The following ECE2 variants were observed in gnomAD, a reference collection of about 807,000 sequenced individuals.
The protein encoded by ECE2 is endothelin converting enzyme 2, also known as endothelin-converting enzyme 2.
Under a neutral mutation model 100.6 loss-of-function variants are expected in ECE2, and 81 were observed. The ratio of observed to expected loss-of-function variants is 0.81; its 90% CI spans 0.67 to 0.97. ECE2 has a LOEUF of 0.97. Among genes scored for constraint, ECE2 ranks in the 50% least tolerant of loss-of-function variants. The pLI, the probability that ECE2 is intolerant of heterozygous loss-of-function variation, is 0.00. For missense variants in ECE2, 911 were observed against 988.1 expected, an observed-to-expected ratio of 0.92 and a Z score of 1.05; for synonymous variants, 391 against 391.5, an observed-to-expected ratio of 1.00 and a Z score of 0.02.
intron 1 of ECE2, 81 bp downstream of exon 1, chr3:184,276,273 C>T (rs1720543327): frequency 1.4e-6 from 2 of 1,421,310 alleles, no homozygotes; most frequent in Non-Finnish European, 9.3e-7. Flanking sequence ...GAGGGGCAGG[C>T]GGTGCCCGGC....
chr3:184,285,409 G>C, intron 9 of ECE2, 69 bp from the exon 10 acceptor site: 1 of 1,240,750 alleles, frequency 8.1e-7, no homozygotes, highest in Non-Finnish European at 1.2e-6. Flanking sequence ...GCATGTTCCT[G>C]GGGGCTGGTT....
Position 184,289,728 on chromosome 3 carries a change from T to C in ECE2, c.1551+10T>C, listed in dbSNP as rs373445146. ...TGATGTTTATGACGGGGTGAGTACC[T>C]ACGCTCATCAGTACTGAACTTCAGC... On this transcript the variant is annotated intron_variant, in intron 13 of 18. Transcript: ENST00000404464. The surrounding 1 kb of genome is among the most constrained non-coding windows in gnomAD (Gnocchi z 4.1). 9 of 1,606,810 alleles carry C rather than the reference T, an allele frequency of 5.6e-6. No individual in the cohort carries two copies. The African/African-American group carries it at 6.7e-5, about 12-fold the overall frequency.
intron 9 of ECE2, 129 bp downstream of exon 9, chr3:184,285,234 ATG>A: frequency 7.5e-7 from 1 of 1,328,760 alleles, no homozygotes; most frequent in Non-Finnish European, 1.0e-6. Context: ...TTGAATCAGA[ATG>A]TCTATGGGCT....
chr3:184,291,167 C>T lies in ECE2; in HGVS notation c.1962C>T (p.Leu654=), dbSNP rs1192208990. 6.2e-7 allele frequency: 1 copy of T among 1,613,890 alleles called. No homozygotes were observed. The highest frequency in any genetic ancestry group is 2.2e-5 in the East Asian group (1 of 44,874). The part of the protein sequence containing the change: ...YNQYQVNGER[L]NGRQTLGENI... ...AATACCAGGTCAATGGGGAGAGGCT[C>T]AACGGCCGCCAGACGCTGGGGGAGA... The change falls in exon 17 of 19, where the codon CTC becomes CTT. Residue 654 remains leucine, a synonymous_variant. Transcript: ENST00000404464. This position sits in a 1 kb window ranked among gnomAD's most constrained non-coding sequence, Gnocchi z 4.1.
Position 184,291,473 on chromosome 3 carries a change from C to T in ECE2, c.2121+34C>T, listed in dbSNP as rs61468368. 1.8e-3 allele frequency: 2,709 copies of T among 1,526,746 alleles called. 43 individuals carry two copies. The African/African-American group carries it at 0.032, about 18-fold the overall frequency. The allele number at this position is 1,526,746 out of a possible 1,614,324, so 94.6% of individuals were successfully genotyped here. Reference sequence around the variant, plus strand: ...CTCTCGGAAGGCCTGGGGTCTGCCCCTTTGTCCTGCTCCCTCCTGAGTATG... The same window carrying T: ...CTCTCGGAAGGCCTGGGGTCTGCCCTTTTGTCCTGCTCCCTCCTGAGTATG... On this transcript the variant is annotated intron_variant, in intron 18 of 18. Coordinates refer to ENST00000404464, the MANE Select transcript of ECE2 (RefSeq NM_001100121.2). The surrounding 1 kb of genome is among the most constrained non-coding windows in gnomAD (Gnocchi z 4.1).
chr3:184,290,673 T>A lies in ECE2; in HGVS notation c.1766+6T>A, dbSNP rs759341647. On this transcript the variant is annotated splice_donor_region_variant and intron_variant, in intron 15 of 18. Coordinates refer to ENST00000404464, the MANE Select transcript of ECE2 (RefSeq NM_001100121.2). ...TATGCCCGCAACCACCCCAAGTGTG[T>A]CTGAAGCAGGAGGGGCTGGGTGCTG... 1 of 1,613,742 alleles carries A rather than the reference T, an allele frequency of 6.2e-7. No individual in the cohort carries two copies. The highest frequency in any genetic ancestry group is 8.5e-7 in the Non-Finnish European group (1 of 1,179,870).
rs752496038 is a variant in ECE2, at chr3:184,278,253, C to T, written c.690C>T (p.Thr230=). The change falls in exon 6 of 19, where the codon ACC becomes ACT. Residue 230 remains threonine (T), a synonymous_variant. Transcript: ENST00000404464. ...CAGTAGCAGGGACCTACAGGGCCACCCCATTCTTCACCGTCTACATCAGTG... is the reference window on the plus strand; with the variant it reads ...CAGTAGCAGGGACCTACAGGGCCACTCCATTCTTCACCGTCTACATCAGTG... ...LKAVAGTYRA[T]PFFTVYISAD... 2 of 1,614,064 alleles carry T rather than the reference C, an allele frequency of 1.2e-6. No homozygotes were observed. The highest frequency in any genetic ancestry group is 2.7e-5 in the African/African-American group (2 of 74,908).
At position 184,283,892 on chromosome 3, in the gene ECE2, G is replaced by C. The variant is rs1483676218; in HGVS notation, c.924G>C (p.Gln308His). The change falls in exon 8 of 19, where the codon CAG (glutamine) becomes CAC (histidine). Residue 308 changes from glutamine (Q) to histidine (H), a missense_variant. Coordinates refer to ENST00000404464, the MANE Select transcript of ECE2 (RefSeq NM_001100121.2). Reference sequence around the variant, plus strand: ...AGCAGGTGCTGGAGTTGGAGATACAGCTGGCCAACATCACAGTGCCCCAGG... The same window carrying C: ...AGCAGGTGCTGGAGTTGGAGATACACCTGGCCAACATCACAGTGCCCCAGG... ...QMQQVLELEI[Q>H]LANITVPQDQ... 1 of 1,614,012 alleles carries C rather than the reference G, an allele frequency of 6.2e-7. No individual in the cohort carries two copies.
At chr3:184,277,113 C>G in intron 3 of ECE2, 86 bp downstream of exon 3, 2 of 1,599,940 alleles carry the variant, frequency 1.3e-6, no homozygotes, top group Middle Eastern at 1.7e-4. Flanking sequence ...TTGTGGGAAC[C>G]AAGCCTTCCC....
At position 184,290,835 on chromosome 3, in the gene ECE2, G is replaced by A; in HGVS notation, c.1809G>A (p.Glu603=). Residue 603 remains glutamate (E), a synonymous_variant, in exon 16 of 19, where the codon GAG becomes GAA. Coordinates refer to ENST00000404464, the MANE Select transcript of ECE2 (RefSeq NM_001100121.2). The stretch of plus-strand genomic sequence containing the variant: ...GCATCGGTGTGGTCATGGGCCATGA[G>A]TTGACGCATGCCTTTGATGACCAAG... ...FGGIGVVMGH[E]LTHAFDDQGR... 6.2e-7 allele frequency: 1 copy of A among 1,614,208 alleles called. No homozygotes were observed. Among genetic ancestry groups the A allele is most frequent in the Non-Finnish European group, 8.5e-7 (1 of 1,180,034 alleles).
chr3:184,291,043 G>A lies in ECE2; in HGVS notation c.1838G>A (p.Arg613His), dbSNP rs370957139. The change falls in exon 17 of 19, where the codon CGC becomes CAC. Residue 613 changes from arginine (R) to histidine (H), a missense_variant. Arg to His is a conservative substitution (Grantham distance 29). Coordinates refer to ENST00000404464, the MANE Select transcript of ECE2 (RefSeq NM_001100121.2). The surrounding 1 kb of genome is among the most constrained non-coding windows in gnomAD (Gnocchi z 4.1). ...TGCAAAGGTGAGTTCTCCTCAGGGC[G>A]CGAGTATGACAAAGAAGGGAACCTG... Reference protein sequence around the residue: ...ELTHAFDDQGREYDKEGNLRP... With the variant: ...ELTHAFDDQGHEYDKEGNLRP... The A allele has an allele frequency of 1.1e-5, 17 of 1,565,756 alleles. No individual in the cohort carries two copies. Among genetic ancestry groups the A allele is most frequent in the East Asian group, 2.3e-5 (1 of 44,432 alleles).
rs1721220041 is a variant in ECE2, at chr3:184,289,602, C to T, written c.1474-39C>T. 6.2e-7 allele frequency: 1 copy of T among 1,613,230 alleles called. No homozygotes were observed. Among genetic ancestry groups the T allele is most frequent in the Non-Finnish European group, 8.5e-7 (1 of 1,179,266 alleles). ...TTCAAGGATACAGTTTTGCTAGGAACCTGGGGAAGGAAACAAACCCTTAAC... is the reference window on the plus strand; with the variant it reads ...TTCAAGGATACAGTTTTGCTAGGAATCTGGGGAAGGAAACAAACCCTTAAC... On this transcript the variant is annotated intron_variant, in intron 12 of 18. Coordinates refer to ENST00000404464, the MANE Select transcript of ECE2 (RefSeq NM_001100121.2). This position sits in a 1 kb window ranked among gnomAD's most constrained non-coding sequence, Gnocchi z 4.1.
At position 184,285,110 on chromosome 3, in the gene ECE2, G is replaced by T; in HGVS notation, c.1148+5G>T. On this transcript the variant is annotated splice_donor_5th_base_variant and intron_variant, in intron 9 of 18. Transcript: ENST00000404464. The stretch of plus-strand genomic sequence containing the variant: ...CATCAACCGCACGGAACCAAGGTGT[G>T]GGGGTAGCCCAGGGTGAGGGTGGGT... 2 of 1,613,100 alleles carry T rather than the reference G, an allele frequency of 1.2e-6. No individual in the cohort carries two copies. The highest frequency in any genetic ancestry group is 1.1e-5 in the South Asian group (1 of 90,888).
rs1318655596 is a variant in ECE2, at chr3:184,287,966, T to G, written c.1374+19T>G. The G allele has an allele frequency of 6.2e-7, 1 of 1,605,418 alleles. No homozygotes were observed. Among genetic ancestry groups the G allele is most frequent in the Admixed American group, 1.7e-5 (1 of 59,974 alleles). ...AGAAATTGTGAGTCTACAAGATTCT[T>G]TCAACACTATGCCCTCAAAATTGAC... On this transcript the variant is annotated intron_variant, in intron 11 of 18. Transcript: ENST00000404464.
chr3:184,285,742 A>C, intron 10 of ECE2, 150 bp downstream of exon 10: 1 of 630,234 alleles, frequency 1.6e-6, no homozygotes, highest in Non-Finnish European at 2.8e-6. Context: ...TTTCAATCCC[A>C]ACTCATTCAT....
Position 184,291,183 on chromosome 3 carries a change from C to T in ECE2, c.1978C>T (p.Leu660=). Residue 660 remains leucine, a synonymous_variant, in exon 17 of 19, where the codon CTG becomes TTG. Coordinates refer to ENST00000404464, the MANE Select transcript of ECE2 (RefSeq NM_001100121.2). The surrounding 1 kb of genome is among the most constrained non-coding windows in gnomAD (Gnocchi z 4.1). ...GGAGAGGCTCAACGGCCGCCAGACG[C>T]TGGGGGAGAACATTGCTGACAACGG... ...NGERLNGRQT[L]GENIADNGGL... 1.2e-6 allele frequency: 2 copies of T among 1,613,816 alleles called. No homozygotes were observed. The highest frequency in any genetic ancestry group is 1.7e-6 in the Non-Finnish European group (2 of 1,179,926).
Position 184,278,295 on chromosome 3 carries a change from C to T in ECE2, c.732C>T (p.Ser244=), listed in dbSNP as rs185229478. 6.2e-6 allele frequency: 10 copies of T among 1,614,022 alleles called. No homozygotes were observed. In the East Asian group the frequency reaches 2.2e-4, roughly 36 times the overall value. Residue 244 remains serine (S), a synonymous_variant, in exon 6 of 19, where the codon TCC becomes TCT. Transcript: ENST00000404464. The stretch of plus-strand genomic sequence containing the variant: ...ACATCAGTGCCGACTCTAAGAGTTC[C>T]AACAGCAATGTTATCCAGGTGATGA... The part of the protein sequence containing the change: ...TVYISADSKS[S]NSNVIQVDQS...
In ECE2 at chr3:184,276,579, G is replaced by A; in HGVS notation, c.126+12G>A. The A allele has an allele frequency of 6.2e-7, 1 of 1,604,656 alleles. No individual in the cohort carries two copies. Among genetic ancestry groups the A allele is most frequent in the African/African-American group, 1.3e-5 (1 of 74,970 alleles). On this transcript the variant is annotated intron_variant, in intron 2 of 18. Transcript: ENST00000404464. ...CGGACGCCATGGAGGTGGGCAAGGG[G>A]GCTTCCCCTTTCTCACCAGGCCCCA...
Position 184,276,543 on chromosome 3 carries a change from C to T in ECE2, c.102C>T (p.Gly34=), listed in dbSNP as rs1040134230. 12 of 1,611,206 alleles carry T rather than the reference C, an allele frequency of 7.4e-6. No homozygotes were observed. Among genetic ancestry groups the T allele is most frequent in the East Asian group, 4.5e-5 (2 of 44,836 alleles). Residue 34 remains glycine, a synonymous_variant, in exon 2 of 19, where the codon GGC becomes GGT. Coordinates refer to ENST00000404464, the MANE Select transcript of ECE2 (RefSeq NM_001100121.2). ...ACGCACCCGAGACCCCCGTAGAGGG[C>T]GGGGCCTCCCCGGACGCCATGGAGG... The part of the protein sequence containing the change: ...DEDAPETPVE[G]GASPDAMEVG...
Sources: allele counts gnomAD v4.1 joint callset, GRCh38; gene constraint gnomAD v4.1.1; non-coding constraint Gnocchi (gnomAD v3.1); transcripts MANE v1.5; gene names NCBI Gene and HGNC (gene_info 2026-07-23, HGNC 2026-07-21).